TTC1: variants seen among roughly 807,000 people sequenced by gnomAD.
TTC1 encodes tetratricopeptide repeat protein 1.
In TTC1, 31 loss-of-function variants were observed where a neutral mutation model predicts 37.6. That is an observed-to-expected ratio of 0.82 (90% CI 0.62 to 1.11). The LOEUF (loss-of-function observed/expected upper bound fraction) is 1.11, where lower values mean the gene tolerates loss of function less well. Among genes scored for constraint, TTC1 ranks in the 50% most tolerant of loss-of-function variants. The pLI, the probability that TTC1 is intolerant of heterozygous loss-of-function variation, is 0.00. For synonymous variants in TTC1, 127 were observed against 122.4 expected, an observed-to-expected ratio of 1.04 and a Z score of -0.25; for missense variants, 351 against 339.0, an observed-to-expected ratio of 1.04 and a Z score of -0.28.
chr5:160,063,198 A>G (rs1753483596), intron 7 of TTC1, among the ~76,000 whole-genome samples: 1 of 152,184 alleles, frequency 6.6e-6, no homozygotes, highest in Non-Finnish European at 1.5e-5. Context: ...AGTTCTCACC[A>G]TGAGTTATTA....
Position 160,035,650 on chromosome 5 carries a change from C to A in TTC1, c.391+450C>A, listed in dbSNP as rs75906065. Among the ~76,000 whole-genome samples, 1,331 of 152,210 alleles carry A rather than the reference C, an allele frequency of 8.7e-3. 17 individuals carry two copies. Among genetic ancestry groups the A allele is most frequent in the African/African-American group, 0.03 (1,265 of 41,536 alleles). The stretch of plus-strand genomic sequence containing the variant: ...CTTTCTTTCTTTCTTTTTTTAAATT[C>A]TCCAAACTGCTTCAGAAAGGTTGCT... On this transcript the variant is annotated intron_variant, in intron 3 of 7. Transcript: ENST00000231238.
chr5:160,041,985 A>G (rs1185625759), intron 4 of TTC1, among the ~76,000 whole-genome samples: 1 of 152,094 alleles, frequency 6.6e-6, no homozygotes, highest in African/African-American at 2.4e-5. Flanking sequence ...GCTTGAGTGC[A>G]GTGTCGTGAA....
At chr5:160,024,959 C>T (rs1457756301) in intron 2 of TTC1, among the ~76,000 whole-genome samples, 1 of 152,224 alleles carries the variant, frequency 6.6e-6, no homozygotes, top group African/African-American at 2.4e-5. Context: ...ACCTCAGCCT[C>T]CAGAGTAGCT....
At chr5:160,058,973 ATGT>A (rs1757624750) in intron 7 of TTC1, among the ~76,000 whole-genome samples, 5 of 152,152 alleles carry the variant, frequency 3.3e-5, no homozygotes, top group Admixed American at 1.3e-4. Context: ...CATCCAGGCT[ATGT>A]TGTTCCATTT....
intron 5 of TTC1, among the ~76,000 whole-genome samples, chr5:160,046,269 T>C (rs1757243702): frequency 6.6e-6 from 1 of 152,212 alleles, no homozygotes; most frequent in African/African-American, 2.4e-5. Flanking sequence ...CTCAATTTAG[T>C]CGTTGCTTCT....
chr5:160,064,369 C>T (rs992698041), intron 7 of TTC1, among the ~76,000 whole-genome samples: 2 of 152,156 alleles, frequency 1.3e-5, no homozygotes, highest in African/African-American at 4.8e-5. Flanking sequence ...TCAAGATGAT[C>T]CCATTTCTAA....
rs750148246 is a variant in TTC1 at position 160,036,810 on chromosome 5, A to G, written c.504+7A>G. The G allele has an allele frequency of 2.5e-6, 4 of 1,591,898 alleles. No individual in the cohort carries two copies. The highest frequency in any genetic ancestry group is 3.3e-5 in the Admixed American group (2 of 59,910). Reference sequence around the variant, plus strand: ...TGCAGCAAGGATGAAACAGGTATGTATCTGTGACCTTTTCTTTTTAAAAAG... The same window carrying G: ...TGCAGCAAGGATGAAACAGGTATGTGTCTGTGACCTTTTCTTTTTAAAAAG... On this transcript the variant is annotated splice_region_variant and intron_variant, in intron 4 of 7. Transcript: ENST00000231238.
chr5:160,036,632 A>C (rs894414747), intron 3 of TTC1, 59 bp from the exon 4 acceptor site: 1 of 1,159,382 alleles, frequency 8.6e-7, no homozygotes, highest in Admixed American at 1.7e-5. Flanking sequence ...GATCCTGTGG[A>C]ATATAGTAGT....
chr5:160,063,471 T>G (rs1753494949), intron 7 of TTC1: 1 of 152,704 alleles, frequency 6.5e-6, no homozygotes, highest in Non-Finnish European at 1.5e-5. Flanking sequence ...TGCCTCAGCC[T>G]CCCAAAGTGC....
intron 2 of TTC1, among the ~76,000 whole-genome samples, chr5:160,020,565 A>G (rs1561626155): frequency 1.3e-5 from 2 of 152,252 alleles, no homozygotes; most frequent in South Asian, 2.1e-4. Flanking sequence ...GCGAAGCTTC[A>G]TCTGTATTTA....
At chr5:160,034,224 G>T in intron 2 of TTC1, among the ~76,000 whole-genome samples, 1 of 151,512 alleles carries the variant, frequency 6.6e-6, no homozygotes, top group Non-Finnish European at 1.5e-5. Flanking sequence ...AAGGTGGCAG[G>T]CATACAGACT....
chr5:160,032,038 C>T (rs1019193212), intron 2 of TTC1, among the ~76,000 whole-genome samples: 1 of 152,186 alleles, frequency 6.6e-6, no homozygotes, highest in Non-Finnish European at 1.5e-5. Flanking sequence ...GCTGGCTGCT[C>T]AGGCCGGCCC....
chr5:160,013,361 A>G (rs1437733357), intron 2 of TTC1, among the ~76,000 whole-genome samples: 1 of 152,118 alleles, frequency 6.6e-6, no homozygotes, highest in Admixed American at 6.6e-5. Context: ...TTATATTTGA[A>G]TCTTTTAAAA....
chr5:160,053,603 C>T (rs1374214923), intron 7 of TTC1, among the ~76,000 whole-genome samples: 2 of 152,112 alleles, frequency 1.3e-5, no homozygotes, highest in Non-Finnish European at 2.9e-5. Context: ...AGTGTGATGC[C>T]TATGCCTGTA....
intron 2 of TTC1, among the ~76,000 whole-genome samples, chr5:160,021,902 CTT>C (rs1213745383): frequency 6.6e-6 from 1 of 152,190 alleles, no homozygotes; most frequent in East Asian, 1.9e-4. Context: ...ATGTACCTCT[CTT>C]TACGCTCTCT....
intron 2 of TTC1, among the ~76,000 whole-genome samples, chr5:160,025,793 A>G (rs1382000681): frequency 1.3e-5 from 2 of 152,148 alleles, no homozygotes; most frequent in African/African-American, 4.8e-5. Flanking sequence ...TTTAAAAGAT[A>G]GGGTCTAGCT....
intron 2 of TTC1, among the ~76,000 whole-genome samples, chr5:160,027,426 T>C (rs926903616): frequency 1.4e-4 from 22 of 152,164 alleles, no homozygotes; most frequent in Admixed American, 8.5e-4. Context: ...CGAACTATCG[T>C]TGTCATGTAC....
At chr5:160,042,554 G>T (rs1757118240) in intron 4 of TTC1, among the ~76,000 whole-genome samples, 1 of 152,182 alleles carries the variant, frequency 6.6e-6, no homozygotes, top group Non-Finnish European at 1.5e-5. Flanking sequence ...TTGACATCCA[G>T]TGTTCTTTCC....
intron 4 of TTC1, 121 bp from the exon 5 acceptor site, chr5:160,043,012 T>C: frequency 9.6e-7 from 1 of 1,036,368 alleles, no homozygotes; most frequent in Non-Finnish European, 1.4e-6. Context: ...TTTACGTAAT[T>C]TCTTTGAAAA....
Sources: gnomAD v4.1 joint callset for allele counts (sites outside exome capture counted in the v4.1 genomes callset) on GRCh38, gnomAD v4.1.1 for gene constraint, MANE v1.5 for transcripts, NCBI Gene and HGNC (gene_info 2026-07-23, HGNC 2026-07-21) for gene names.